The following IPO5 variants were observed in gnomAD, a reference collection of about 807,000 sequenced individuals.
IPO5 encodes the protein importin 5.
IPO5 carries 18 observed loss-of-function variants against 143.3 expected under a neutral mutation model. The ratio of observed to expected loss-of-function variants is 0.13; its 90% confidence interval spans 0.09 to 0.19. The LOEUF is 0.19. Ranked by LOEUF, IPO5 falls within the 10% of genes least tolerant of loss-of-function variation. The pLI is 1.00. For missense variants in IPO5, 1,013 were observed against 1,336.9 expected, an observed-to-expected ratio of 0.76 and a Z score of 3.78; for synonymous variants, 477 against 465.7, an observed-to-expected ratio of 1.02 and a Z score of -0.31.
At chr13:97,978,084 C>T (rs757794376) in intron 4 of IPO5, among the ~76,000 whole-genome samples, 11 of 152,244 alleles carry the variant, frequency 7.2e-5, no homozygotes, top group Non-Finnish European at 1.6e-4. Context: ...TGTGAAAAAG[C>T]ATTTTCTACT....
intron 2 of IPO5, 37 bp from the exon 3 acceptor site, chr13:97,969,686 C>T (rs12866550): frequency 0.059 from 50,023 of 849,032 alleles, 3,128 homozygotes; most frequent in East Asian, 0.28. Context: ...AATTAAGTAC[C>T]ATCTAATGGT....
chr13:98,006,446 C>T (rs1889260025), intron 17 of IPO5, 98 bp downstream of exon 17: 2 of 707,818 alleles, frequency 2.8e-6, no homozygotes, highest in Non-Finnish European at 4.3e-6. Flanking sequence ...ACGATCTCGG[C>T]TCACTGCAAA....
intron 4 of IPO5, chr13:97,979,931 T>G (rs747156015): frequency 6.4e-5 from 29 of 456,652 alleles, no homozygotes; most frequent in Non-Finnish European, 4.4e-6. Context: ...TCTTTTACTT[T>G]TCCTCATACA....
Position 97,982,590 on chromosome 13 carries a change from C to A in IPO5, c.171+7C>A, listed in dbSNP as rs557809349. On this transcript the variant is annotated splice_region_variant and intron_variant, in intron 5 of 28. Coordinates refer to ENST00000651721, the MANE Select transcript of IPO5 (RefSeq NM_002271.6). The stretch of plus-strand genomic sequence containing the variant: ...TACAACAGCTGCTGAAGAGGTACTA[C>A]CTTAATATTTGTGACTATTACATTC... 1 of 1,538,256 alleles carries A rather than the reference C, an allele frequency of 6.5e-7. No individual in the cohort carries two copies. Among genetic ancestry groups the A allele is most frequent in the African/African-American group, 1.4e-5 (1 of 73,330 alleles).
rs185838586 is a variant in IPO5, at chr13:97,982,996, G to A, written c.171+413G>A. On this transcript the variant is annotated intron_variant, in intron 5 of 28. Coordinates refer to ENST00000651721, the MANE Select transcript of IPO5 (RefSeq NM_002271.6). ...AGCAGTTCTCCTGCCTCAGCTTCCCGAGTAACTGGGATTACAGGCGTGCGC... is the reference window on the plus strand; with the variant it reads ...AGCAGTTCTCCTGCCTCAGCTTCCCAAGTAACTGGGATTACAGGCGTGCGC... Among the ~76,000 whole-genome samples, 12 of 152,190 alleles carry A rather than the reference G, an allele frequency of 7.9e-5. No homozygotes were observed. The South Asian group carries it at 8.3e-4, about 11-fold the overall frequency.
At chr13:97,991,017 C>T (rs935146263) in intron 9 of IPO5, among the ~76,000 whole-genome samples, 7 of 151,968 alleles carry the variant, frequency 4.6e-5, no homozygotes, top group Admixed American at 2.0e-4. Flanking sequence ...CAAGATAGAG[C>T]ATATATTCAG....
chr13:97,975,968 G>A (rs947758115), intron 3 of IPO5: 31 of 985,524 alleles, frequency 3.1e-5, no homozygotes, highest in Non-Finnish European at 3.6e-5. Flanking sequence ...AGGTCGGAGG[G>A]TCTGAAAGCG....
In IPO5 at chr13:98,000,664, A is replaced by G. The variant is rs1387370660; in HGVS notation, c.1108+19A>G. On this transcript the variant is annotated intron_variant, in intron 13 of 28. Transcript: ENST00000651721. Reference sequence around the variant, plus strand: ...CAAAATCGTAAGCTGTGTCCTTCAAATGCTAGAAGAGTGAAGTTGTGCCCT... The same window carrying G: ...CAAAATCGTAAGCTGTGTCCTTCAAGTGCTAGAAGAGTGAAGTTGTGCCCT... 1 of 1,517,826 alleles carries G rather than the reference A, an allele frequency of 6.6e-7. No individual in the cohort carries two copies. The highest frequency in any genetic ancestry group is 9.2e-7 in the Non-Finnish European group (1 of 1,092,146). The allele number at this position is 1,517,826 out of a possible 1,614,324, so 94.0% of individuals were successfully genotyped here.
intron 27 of IPO5, 57 bp downstream of exon 27, chr13:98,019,866 T>C: frequency 8.4e-7 from 1 of 1,197,438 alleles, no homozygotes; most frequent in Admixed American, 1.7e-5. Flanking sequence ...TCCTGGTTTT[T>C]CTTGCCTAAC....
At chr13:97,994,455 T>C (rs868651151) in intron 11 of IPO5, among the ~76,000 whole-genome samples, 1 of 152,228 alleles carries the variant, frequency 6.6e-6, no homozygotes, top group South Asian at 2.1e-4. Flanking sequence ...TTGTAAGTGT[T>C]CCATTATTCA....
Position 98,005,211 on chromosome 13 carries a change from T to C in IPO5, c.1498-919T>C, listed in dbSNP as rs780749571. Among the ~76,000 whole-genome samples, 230 of 150,742 alleles carry C rather than the reference T, an allele frequency of 1.5e-3. 1 individual carries two copies. The highest frequency in any genetic ancestry group is 2.5e-3 in the Non-Finnish European group (169 of 67,710). On this transcript the variant is annotated intron_variant, in intron 16 of 28. Transcript: ENST00000651721. Reference sequence around the variant, plus strand: ...CGTGCCTGGCTTCTTTTTTTTTTTTTCCCCAGACAGAGTCTTGCTCTTGTC... The same window carrying C: ...CGTGCCTGGCTTCTTTTTTTTTTTTCCCCCAGACAGAGTCTTGCTCTTGTC...
intron 11 of IPO5, among the ~76,000 whole-genome samples, chr13:97,996,724 T>A (rs1187231784): frequency 6.6e-6 from 1 of 152,130 alleles, no homozygotes; most frequent in East Asian, 1.9e-4. Context: ...TGCCTAAGCC[T>A]CCTGAGTAGC....
chr13:98,017,427 G>T (rs1286802750), intron 25 of IPO5, among the ~76,000 whole-genome samples: 5 of 151,762 alleles, frequency 3.3e-5, no homozygotes, highest in Admixed American at 1.3e-4. Context: ...CCGCCTTCTG[G>T]GTTCAAGCAA....
chr13:97,986,572 A>ACTC (rs2139668327), intron 6 of IPO5, among the ~76,000 whole-genome samples: 1 of 150,470 alleles, frequency 6.6e-6, no homozygotes, highest in African/African-American at 2.4e-5. Context: ...CTGGTCTGGA[A>ACTC]CTCCTGGCCT....
rs1890349829 is a variant in IPO5, at chr13:98,019,669, A to G, written c.2925A>G (p.Ala975=). 6.2e-7 allele frequency: 1 copy of G among 1,614,130 alleles called. No homozygotes were observed. Among genetic ancestry groups the G allele is most frequent in the African/African-American group, 1.3e-5 (1 of 75,068 alleles). Residue 975 remains alanine (A), a synonymous_variant, in exon 27 of 29, where the codon GCA becomes GCG. Transcript: ENST00000651721. ...ATGCTACAGAGAACTGCATCTCAGC[A>G]GTAGGGAAAATCATGAAGTTCAAGC... ...NVNATENCIS[A]VGKIMKFKPD... is the part of the protein sequence containing the mutation.
intron 2 of IPO5, among the ~76,000 whole-genome samples, chr13:97,967,609 T>G (rs1359115425): frequency 6.6e-6 from 1 of 152,110 alleles, no homozygotes; most frequent in African/African-American, 2.4e-5. Context: ...ATTTTTGTTT[T>G]CATTCATCTG....
chr13:97,979,369 T>G (rs1407876646), intron 4 of IPO5, among the ~76,000 whole-genome samples: 1 of 152,214 alleles, frequency 6.6e-6, no homozygotes, highest in Non-Finnish European at 1.5e-5. Context: ...AGTTAAAACT[T>G]TTTTCGTCGT....
chr13:97,984,705 T>C (rs1487443582), intron 5 of IPO5, among the ~76,000 whole-genome samples: 1 of 152,132 alleles, frequency 6.6e-6, no homozygotes, highest in African/African-American at 2.4e-5. Context: ...GTAATTATAG[T>C]GATAATGAGT....
chr13:98,008,241 A>G (rs895676147), intron 18 of IPO5, 99 bp downstream of exon 18: 5 of 697,394 alleles, frequency 7.2e-6, no homozygotes, highest in South Asian at 1.8e-5. Context: ...GTTTCTTGAC[A>G]TACTATCAAC....
Sources: gnomAD v4.1 joint callset for allele counts (sites outside exome capture counted in the v4.1 genomes callset) on GRCh38, gnomAD v4.1.1 for gene constraint, MANE v1.5 for transcripts, NCBI Gene and HGNC (gene_info 2026-07-23, HGNC 2026-07-21) for gene names.